Variants in CUL2 observed in about 807,000 individuals in gnomAD.
The protein encoded by CUL2 is cullin 2, also known as cullin-2.
CUL2 carries 22 observed loss-of-function variants against 110.2 expected under a neutral mutation model. The observed-to-expected ratio is 0.20, with a 90% CI of 0.14 to 0.28. The LOEUF is 0.28. Ranked by LOEUF, CUL2 falls within the 10% of genes least tolerant of loss-of-function variation. The pLI is 1.00. For missense variants in CUL2, 631 were observed against 905.5 expected, an observed-to-expected ratio of 0.70 and a Z score of 3.89; for synonymous variants, 279 against 293.2, an observed-to-expected ratio of 0.95 and a Z score of 0.49.
intron 1 of CUL2, among the ~76,000 whole-genome samples, chr10:35,072,515 C>T (rs973839320): frequency 3.3e-5 from 5 of 152,056 alleles, no homozygotes; most frequent in East Asian, 1.9e-4. Context: ...ACTACAGGCG[C>T]CCGCCACCAT....
At chr10:35,051,053 C>T (rs1239375973) in intron 5 of CUL2, among the ~76,000 whole-genome samples, 1 of 152,224 alleles carries the variant, frequency 6.6e-6, no homozygotes, top group Non-Finnish European at 1.5e-5. Context: ...CAGTGGCTCA[C>T]GCCTGTAATC....
rs117214550 is a variant in CUL2, at chr10:35,075,446, T to C, written c.-22-4107A>G. Among the ~76,000 whole-genome samples, 244 of 152,296 alleles carry C rather than the reference T, an allele frequency of 1.6e-3. No homozygotes were observed. In the East Asian group the frequency reaches 0.035, roughly 22 times the overall value. The stretch of plus-strand genomic sequence containing the variant: ...AAACAACTCATAAATCTATCAGTCT[T>C]GTTCTTCATTCCTGTGCCTTAACGA... On this transcript the variant is annotated intron_variant, in intron 1 of 20. Transcript: ENST00000374749.
Position 35,025,055 on chromosome 10 carries a change from C to T in CUL2, c.1684+77G>A, listed in dbSNP as rs150888766. 1.3e-4 allele frequency: 184 copies of T among 1,385,252 alleles called. 1 individual carries two copies. In the East Asian group the frequency reaches 3.5e-3, roughly 26 times the overall value. The allele number at this position is 1,385,252 out of a possible 1,614,324, so 85.8% of individuals were successfully genotyped here. ...AAAAGGTTAAAAACTGTAATTGGGC[C>T]ATAGAAAACCTCTTTCTAAATTAAT... On this transcript the variant is annotated intron_variant, in intron 17 of 20. Transcript: ENST00000374749.
chr10:35,040,600 C>T (rs1564714640), intron 8 of CUL2, among the ~76,000 whole-genome samples: 1 of 152,080 alleles, frequency 6.6e-6, no homozygotes, highest in Non-Finnish European at 1.5e-5. Flanking sequence ...ATTGTGCGAC[C>T]CTTTGAAGCC....
intron 1 of CUL2, among the ~76,000 whole-genome samples, chr10:35,076,808 G>A (rs933533437): frequency 7.9e-5 from 12 of 152,000 alleles, no homozygotes; most frequent in African/African-American, 1.2e-4. Flanking sequence ...CCAACACTTC[G>A]GGAGGCCAAG....
chr10:35,078,806 A>G (rs979396716), intron 1 of CUL2, among the ~76,000 whole-genome samples: 3 of 152,220 alleles, frequency 2.0e-5, no homozygotes, highest in Non-Finnish European at 4.4e-5. Flanking sequence ...ATAGTGAACA[A>G]AACTCCTGAA....
intron 1 of CUL2, among the ~76,000 whole-genome samples, chr10:35,109,102 A>G (rs2087498307): frequency 6.6e-6 from 1 of 152,158 alleles, no homozygotes; most frequent in Non-Finnish European, 1.5e-5. Flanking sequence ...AGTTCCAGCT[A>G]CTTGGGAGGC....
At chr10:35,011,334 T>C (rs1463867479) in intron 20 of CUL2, among the ~76,000 whole-genome samples, 1 of 151,640 alleles carries the variant, frequency 6.6e-6, no homozygotes, top group Non-Finnish European at 1.5e-5. Flanking sequence ...ATTACAGGTG[T>C]CCACTGGGCA....
chr10:35,071,395 T>C, intron 1 of CUL2, 56 bp from the exon 2 acceptor site: 2 of 1,487,846 alleles, frequency 1.3e-6, no homozygotes, highest in Non-Finnish European at 1.9e-6. Flanking sequence ...CTTAGTTTTT[T>C]TGTTGTTGTT....
At chr10:35,035,113 A>G in intron 10 of CUL2, 59 bp downstream of exon 10, 2 of 1,589,104 alleles carry the variant, frequency 1.3e-6, no homozygotes, top group Admixed American at 1.7e-5. Context: ...AAGTCAAAGG[A>G]AAGGCTCCAC....
At chr10:35,035,669 T>G (rs549602541) in intron 9 of CUL2, among the ~76,000 whole-genome samples, 2 of 152,358 alleles carry the variant, frequency 1.3e-5, no homozygotes, top group Admixed American at 6.5e-5. Flanking sequence ...TACTCCATTA[T>G]GTGGATATAA....
At position 35,008,729 on chromosome 10, in the gene CUL2, G is replaced by A. The variant is rs898265020; in HGVS notation, c.*1582C>T. ...TAGATTTTTAAAACACTTGAGACAC[G>A]AGTTAGAAAAAATGCAATTGAATAA... On this transcript the variant is annotated 3_prime_UTR_variant, in exon 21 of 21. Transcript: ENST00000374749. The A allele has an allele frequency of 7.2e-5, 11 of 152,170 alleles. No individual in the cohort carries two copies. Among genetic ancestry groups the A allele is most frequent in the East Asian group, 1.9e-4 (1 of 5,180 alleles). 9.4% of individuals were successfully genotyped at this position (152,170 alleles called of 1,614,324 possible).
At chr10:35,077,924 A>C (rs1248790967) in intron 1 of CUL2, among the ~76,000 whole-genome samples, 1 of 152,228 alleles carries the variant, frequency 6.6e-6, no homozygotes, top group Middle Eastern at 3.4e-3. Flanking sequence ...CTTGCTCATG[A>C]GTTGATAACT....
chr10:35,094,001 A>G (rs1053929112), upstream of CUL2, among the ~76,000 whole-genome samples: 2 of 152,088 alleles, frequency 1.3e-5, no homozygotes, highest in African/African-American at 4.8e-5. Context: ...AAAAATTTTT[A>G]TCCTTTAAAT....
chr10:35,030,362 C>T (rs1588968677), intron 14 of CUL2, among the ~76,000 whole-genome samples: 1 of 152,088 alleles, frequency 6.6e-6, no homozygotes, highest in Non-Finnish European at 1.5e-5. Context: ...ATATAAAAAG[C>T]TCATTAACAC....
chr10:35,122,005 C>G (rs1305457558), intron 1 of CUL2, among the ~76,000 whole-genome samples: 4 of 152,150 alleles, frequency 2.6e-5, no homozygotes, highest in Admixed American at 2.6e-4. Flanking sequence ...AACACACATA[C>G]ACAATGGTAT....
At chr10:35,012,100 C>T (rs2084917946) in intron 19 of CUL2, 136 bp from the exon 20 acceptor site, 6 of 583,338 alleles carry the variant, frequency 1.0e-5, no homozygotes, top group Non-Finnish European at 1.5e-5. Flanking sequence ...GTCGTCCTGG[C>T]TGGAGTTCAG....
At chr10:35,080,296 A>G (rs2086913971) in intron 1 of CUL2, among the ~76,000 whole-genome samples, 1 of 152,092 alleles carries the variant, frequency 6.6e-6, no homozygotes, top group Non-Finnish European at 1.5e-5. Flanking sequence ...AAGCCACTGG[A>G]TGTAACTAAG....
chr10:35,105,186 G>A (rs949989477), intron 1 of CUL2, among the ~76,000 whole-genome samples: 4 of 151,660 alleles, frequency 2.6e-5, no homozygotes, highest in Non-Finnish European at 4.4e-5. Flanking sequence ...AGCACTTTGG[G>A]AGGCCGAGGC....
Sources: gnomAD v4.1 joint callset for allele counts (sites outside exome capture counted in the v4.1 genomes callset) on GRCh38, gnomAD v4.1.1 for gene constraint, MANE v1.5 for transcripts, NCBI Gene and HGNC (gene_info 2026-07-23, HGNC 2026-07-21) for gene names.